NRXN1: variants seen among roughly 807,000 people sequenced by gnomAD.
NRXN1 encodes the protein neurexin-1.
In NRXN1, 39 loss-of-function variants were observed where a neutral mutation model predicts 150.9. The ratio of observed to expected loss-of-function variants is 0.26; its 90% CI spans 0.20 to 0.34. The LOEUF is 0.34. Ranked by LOEUF, NRXN1 falls within the 10% of genes least tolerant of loss-of-function variation. The pLI is 1.00. For missense variants in NRXN1, 1,815 were observed against 1,949.9 expected, an observed-to-expected ratio of 0.93 and a Z score of 1.30; for synonymous variants, 924 against 757.0, an observed-to-expected ratio of 1.22 and a Z score of -3.62.
Position 50,347,389 on chromosome 2 carries a change from T to C in NRXN1, c.3365-110419A>G. ...TGACAGACATCCACCGCGAATCCAC[T>C]AGGTAAATCCATTTAGCTTTGTGTG... is the stretch of plus-strand genomic sequence containing the variant. On this transcript the variant is annotated intron_variant, in intron 17 of 22. Transcript: ENST00000401669. The surrounding 1 kb of genome is among the most constrained non-coding windows in gnomAD (Gnocchi z 4.9). 3.4e-6 allele frequency: 4 copies of C among 1,184,850 alleles called. 1 individual carries two copies. The South Asian group carries it at 6.1e-5, about 18-fold the overall frequency. 73.4% of individuals were successfully genotyped at this position (1,184,850 alleles called of 1,614,324 possible). A position where few individuals can be genotyped will look rare whatever the true frequency, so the allele number is the denominator to read the frequency against.
chr2:50,848,729 C>A (rs1462439274), intron 5 of NRXN1, among the ~76,000 whole-genome samples: 3 of 152,100 alleles, frequency 2.0e-5, no homozygotes, highest in African/African-American at 7.2e-5. Context: ...GCTAATAGAA[C>A]AAATACACCA....
chr2:50,788,403 G>C (rs1052037956), intron 5 of NRXN1, among the ~76,000 whole-genome samples: 10 of 152,076 alleles, frequency 6.6e-5, no homozygotes, highest in African/African-American at 2.4e-4. Flanking sequence ...CTGGTTTTAA[G>C]CACTTTACCA....
intron 17 of NRXN1, among the ~76,000 whole-genome samples, chr2:50,411,093 C>T (rs943204239): frequency 5.3e-5 from 8 of 151,812 alleles, no homozygotes; most frequent in Admixed American, 2.6e-4. Context: ...CCTCTGATGC[C>T]GAGCGGAGGC....
intron 16 of NRXN1, among the ~76,000 whole-genome samples, chr2:50,471,016 C>G (rs2111066): frequency 1.3e-5 from 2 of 151,846 alleles, no homozygotes; most frequent in East Asian, 3.9e-4. Context: ...TACACACCAA[C>G]TGAATAGTGC....
chr2:50,524,097 T>C (rs1336951150), intron 12 of NRXN1, among the ~76,000 whole-genome samples: 1 of 152,182 alleles, frequency 6.6e-6, no homozygotes, highest in Admixed American at 6.5e-5. Context: ...CAGACAAATG[T>C]AATAAGGCAT....
intron 18 of NRXN1, among the ~76,000 whole-genome samples, chr2:50,224,578 T>C (rs2064179578): frequency 6.6e-6 from 1 of 151,706 alleles, no homozygotes; most frequent in Non-Finnish European, 1.5e-5. Flanking sequence ...TTAATATATA[T>C]TAATTAAAAT....
At chr2:50,964,672 T>G (rs1368125434) in intron 2 of NRXN1, among the ~76,000 whole-genome samples, 1 of 151,472 alleles carries the variant, frequency 6.6e-6, no homozygotes, top group African/African-American at 2.4e-5. Flanking sequence ...AACTTTTCAT[T>G]TAGACCCAAT....
intron 18 of NRXN1, among the ~76,000 whole-genome samples, chr2:50,110,690 C>G (rs1027379866): frequency 6.6e-6 from 1 of 152,082 alleles, no homozygotes; most frequent in Non-Finnish European, 1.5e-5. Context: ...GGGGCCAATT[C>G]TAGCACTTCT....
chr2:49,983,898 A>C (rs904551881), intron 21 of NRXN1, among the ~76,000 whole-genome samples: 1 of 152,154 alleles, frequency 6.6e-6, no homozygotes, highest in South Asian at 2.1e-4. Flanking sequence ...AAGACTGGAC[A>C]CTGTGGCTCC....
intron 17 of NRXN1, among the ~76,000 whole-genome samples, chr2:50,380,425 C>G (rs1419920287): frequency 6.6e-6 from 1 of 151,942 alleles, no homozygotes; most frequent in Non-Finnish European, 1.5e-5. Context: ...TTCAAATAAA[C>G]AGTTGTTTTC....
chr2:50,634,170 G>C (rs910824594), intron 5 of NRXN1, among the ~76,000 whole-genome samples: 2 of 152,194 alleles, frequency 1.3e-5, no homozygotes, highest in African/African-American at 2.4e-5. Context: ...AGCTACTAGA[G>C]TTTTATAGTT....
intron 5 of NRXN1, among the ~76,000 whole-genome samples, chr2:50,881,238 G>A (rs1679381356): frequency 6.6e-6 from 1 of 151,844 alleles, no homozygotes; most frequent in South Asian, 2.1e-4. Flanking sequence ...TTTCCTGTAA[G>A]CTTCATCTTC....
intron 2 of NRXN1, among the ~76,000 whole-genome samples, chr2:50,981,886 TG>T (rs1676803708): frequency 6.6e-6 from 1 of 151,344 alleles, no homozygotes; most frequent in South Asian, 2.1e-4. Context: ...CACAGAAAAT[TG>T]AAAAAAAATT....
At chr2:50,318,834 C>A (rs74510422) in intron 17 of NRXN1, among the ~76,000 whole-genome samples, 2,352 of 152,074 alleles carry the variant, frequency 0.015, 60 homozygotes, top group African/African-American at 0.052. Flanking sequence ...ATAAGAGGGG[C>A]ATACACAGTG....
Position 50,623,577 on chromosome 2 carries a change from A to G in NRXN1, c.871T>C (p.Tyr291His), listed in dbSNP as rs1680436545. Residue 291 changes from tyrosine (Y) to histidine (H), a missense_variant, in exon 6 of 23, where the codon TAC becomes CAC. By Grantham distance (83) the Tyr-to-His change is moderately conservative. Transcript: ENST00000401669. ...TTTTGAGACAAGTCGTAGCAGAAGT[A>G]TTCAGATCCTTTGAACGTGGCAATA... ...EYIATFKGSEYFCYDLSQNPI... is the reference protein window; with the variant it reads ...EYIATFKGSEHFCYDLSQNPI... The G allele has an allele frequency of 6.2e-7, 1 of 1,612,926 alleles. No individual in the cohort carries two copies. Among genetic ancestry groups the G allele is most frequent in the African/African-American group, 1.3e-5 (1 of 74,892 alleles).
intron 5 of NRXN1, among the ~76,000 whole-genome samples, chr2:50,825,784 G>T (rs571334260): frequency 2.0e-5 from 3 of 152,154 alleles, no homozygotes; most frequent in African/African-American, 2.4e-5. Flanking sequence ...GAAGTCGGTC[G>T]GGAGGCACTC....
chr2:50,096,220 TA>T lies in NRXN1; in HGVS notation c.3547-4727del, dbSNP rs796619805. On this transcript the variant is annotated intron_variant, in intron 18 of 22. Transcript: ENST00000401669. The stretch of plus-strand genomic sequence containing the variant: ...CAGGCTTTGAAAAACAGTTTAATTA[TA>T]AATGATCGCCAAAGAGTTTTCCCTG... Among the ~76,000 whole-genome samples, 4 of 152,030 alleles carry T rather than the reference TA, an allele frequency of 2.6e-5. No homozygotes were observed. The South Asian group carries it at 8.3e-4, about 32-fold the overall frequency.
intron 13 of NRXN1, 44 bp from the exon 14 acceptor site, chr2:50,497,758 G>C (rs1477529776): frequency 6.5e-7 from 1 of 1,529,836 alleles, no homozygotes; most frequent in Non-Finnish European, 8.8e-7. Flanking sequence ...TATCTGAAAG[G>C]CACTTTCAAC....
At chr2:50,490,163 T>C (rs1377785167) in intron 15 of NRXN1, among the ~76,000 whole-genome samples, 4 of 152,218 alleles carry the variant, frequency 2.6e-5, no homozygotes, top group Admixed American at 1.3e-4. Flanking sequence ...TTCTGTACCA[T>C]GGCAATTGCC....
Sources: gnomAD v4.1 joint callset for allele counts (sites outside exome capture counted in the v4.1 genomes callset) on GRCh38, gnomAD v4.1.1 for gene constraint, Gnocchi (gnomAD v3.1) non-coding constraint, MANE v1.5 for transcripts, NCBI Gene and HGNC (gene_info 2026-07-23, HGNC 2026-07-21) for gene names.